The following PFKFB2 variants were observed in gnomAD, a reference collection of about 807,000 sequenced individuals.
The protein encoded by PFKFB2 is 6-phosphofructo-2-kinase/fructose-2,6-bisphosphatase 2.
A neutral mutation model predicts 68.0 loss-of-function variants in PFKFB2; 53 were observed. That is an observed-to-expected ratio of 0.78 (90% CI 0.63 to 0.98). The LOEUF (loss-of-function observed/expected upper bound fraction) is 0.98, where lower values mean the gene tolerates loss of function less well. Ranked by LOEUF, PFKFB2 falls within the 50% of genes least tolerant of loss-of-function variation. The pLI is 0.00. For missense variants in PFKFB2, 451 were observed against 642.0 expected, an observed-to-expected ratio of 0.70 and a Z score of 3.22; for synonymous variants, 222 against 227.6, an observed-to-expected ratio of 0.98 and a Z score of 0.22.
At chr1:207,049,131 A>T, upstream of PFKFB2, 1 of 1,614,084 alleles carries the variant, frequency 6.2e-7, no homozygotes. Context: ...AGCGGTTGAC[A>T]TCAGTAAACT....
In PFKFB2 at chr1:207,072,292, G is replaced by A; in HGVS notation, c.1439G>A (p.Arg480Lys). The change falls in exon 15 of 15, where the codon AGA (arginine) becomes AAA (lysine). Residue 480 changes from arginine to lysine, a missense_variant. By Grantham distance (26) the Arg-to-Lys change is conservative. Transcript: ENST00000367080. ...AGTTCGAATACAATAAGGCGTCCAA[G>A]AAATTACAGTGTTGGGAGCCGGCCC... ...LSSSNTIRRP[R>K]NYSVGSRPLK... is the part of the protein sequence containing the mutation. 6.2e-7 allele frequency: 1 copy of A among 1,614,208 alleles called. No homozygotes were observed. The highest frequency in any genetic ancestry group is 8.5e-7 in the Non-Finnish European group (1 of 1,180,042).
At chr1:207,065,381 C>CAAA in intron 8 of PFKFB2, 4 of 863,468 alleles carry the variant, frequency 4.6e-6, no homozygotes, top group Non-Finnish European at 5.6e-6. Flanking sequence ...GACAGGGTCT[C>CAAA]ACTCTGTCAC....
chr1:207,078,078 A>G (rs1267466585), downstream of PFKFB2, among the ~76,000 whole-genome samples: 1 of 152,216 alleles, frequency 6.6e-6, no homozygotes, highest in Non-Finnish European at 1.5e-5. Context: ...TTAAGAAACA[A>G]TTACATTTCA....
At chr1:207,057,649 G>A (rs1321270307) in intron 2 of PFKFB2, among the ~76,000 whole-genome samples, 6 of 151,634 alleles carry the variant, frequency 4.0e-5, no homozygotes, top group African/African-American at 1.2e-4. Context: ...GATTTAGAAA[G>A]CGAAAAGTAA....
chr1:207,070,451 A>G lies in PFKFB2; in HGVS notation c.1222+42A>G, dbSNP rs1256839414. 1.3e-6 allele frequency: 2 copies of G among 1,599,882 alleles called. No homozygotes were observed. Among genetic ancestry groups the G allele is most frequent in the Non-Finnish European group, 1.7e-6 (2 of 1,171,160 alleles). On this transcript the variant is annotated intron_variant, in intron 12 of 14. Coordinates refer to ENST00000367080, the MANE Select transcript of PFKFB2 (RefSeq NM_006212.2). The surrounding 1 kb of genome is among the most constrained non-coding windows in gnomAD (Gnocchi z 4.2). ...GGCTGGGAGACACATCCAGTGGGAGAGGGCTGGACTTGCAGTGGCACCAGG... is the reference window on the plus strand; with the variant it reads ...GGCTGGGAGACACATCCAGTGGGAGGGGGCTGGACTTGCAGTGGCACCAGG...
upstream of PFKFB2, chr1:207,052,299 A>G (rs1390659190): frequency 2.0e-5 from 28 of 1,382,004 alleles, no homozygotes; most frequent in Admixed American, 2.9e-4. Flanking sequence ...TGGTTCTTCA[A>G]GACGACTGCA....
Position 207,067,660 on chromosome 1 carries a change from T to A in PFKFB2, c.794T>A (p.Leu265Ter). ...CRHGESEFNL[L>*]GKIGGDSGLS... ...CATGGAGAAAGCGAGTTCAATCTCT[T>A]GGGGAAGATTGGGGGTGACTCTGGC... The change falls in exon 9 of 15, where the codon TTG becomes TAG. Residue 265 changes from leucine (L) to a stop codon, truncating the protein, a stop_gained. Coordinates refer to ENST00000367080, the MANE Select transcript of PFKFB2 (RefSeq NM_006212.2). LOFTEE classifies it high-confidence loss of function. The A allele has an allele frequency of 1.2e-6, 2 of 1,613,638 alleles. No individual in the cohort carries two copies. The highest frequency in any genetic ancestry group is 1.7e-6 in the Non-Finnish European group (2 of 1,179,906).
upstream of PFKFB2, among the ~76,000 whole-genome samples, chr1:207,051,667 A>T (rs1682755047): frequency 6.6e-6 from 1 of 152,218 alleles, no homozygotes; most frequent in African/African-American, 2.4e-5. Context: ...ATTCCAGTTC[A>T]GTTCCTGGGC....
chr1:207,050,506 G>A (rs1682712443), upstream of PFKFB2, among the ~76,000 whole-genome samples: 1 of 152,192 alleles, frequency 6.6e-6, no homozygotes, highest in African/African-American at 2.4e-5. Flanking sequence ...TCAAGACAAG[G>A]AGTTGCTAGA....
chr1:207,070,454 G>C lies in PFKFB2; in HGVS notation c.1222+45G>C. On this transcript the variant is annotated intron_variant, in intron 12 of 14. Transcript: ENST00000367080. The surrounding 1 kb of genome is among the most constrained non-coding windows in gnomAD (Gnocchi z 4.2). ...TGGGAGACACATCCAGTGGGAGAGG[G>C]CTGGACTTGCAGTGGCACCAGGATT... The C allele has an allele frequency of 2.5e-6, 4 of 1,597,594 alleles. No homozygotes were observed. Among genetic ancestry groups the C allele is most frequent in the Non-Finnish European group, 1.7e-6 (2 of 1,169,664 alleles).
At chr1:207,068,108 G>GTGTGTGTC (rs1683350898) in intron 9 of PFKFB2, 55 bp from the exon 10 acceptor site, 2 of 1,434,614 alleles carry the variant, frequency 1.4e-6, no homozygotes, top group African/African-American at 2.8e-5. Flanking sequence ...GTGTGTGTGT[G>GTGTGTGTC]TGTGTGTGTC....
chr1:207,049,157 C>T, upstream of PFKFB2: 1 of 1,614,074 alleles, frequency 6.2e-7, no homozygotes, highest in South Asian at 1.1e-5. Context: ...CTTCTTCTAG[C>T]TTCATCTGCT....
chr1:207,053,430 C>G (rs1225176305), intron 1 of PFKFB2, 64 bp downstream of exon 1: 2 of 152,780 alleles, frequency 1.3e-5, no homozygotes, highest in East Asian at 3.8e-4. Flanking sequence ...GCTGCGTGCC[C>G]CCGGATGAAG....
At chr1:207,043,289 C>T (rs549753410) in intron 2 of PFKFB2, among the ~76,000 whole-genome samples, 1 of 152,200 alleles carries the variant, frequency 6.6e-6, no homozygotes, top group South Asian at 2.1e-4. Flanking sequence ...TACACTGACC[C>T]CCAGAAATAT....
At chr1:207,046,813 T>A in intron 2 of PFKFB2, 1 of 152,104 alleles carries the variant, frequency 6.6e-6, no homozygotes, top group East Asian at 1.9e-4. Flanking sequence ...GACAGAAACT[T>A]ATGTTGGAAC....
At chr1:207,042,965 C>T (rs892456890) in intron 2 of PFKFB2, among the ~76,000 whole-genome samples, 35 of 151,570 alleles carry the variant, frequency 2.3e-4, no homozygotes, top group African/African-American at 7.8e-4. Flanking sequence ...AGATCTCTCG[C>T]AAGTTGATTA....
At chr1:207,079,256 G>C, downstream of PFKFB2, 1 of 573,398 alleles carries the variant, frequency 1.7e-6, no homozygotes, top group South Asian at 2.0e-5. Flanking sequence ...ACCTGAACCA[G>C]TGACTTTTTG....
In PFKFB2 at chr1:207,073,379, TG is replaced by T; in HGVS notation, c.*1012del. 1 of 985,430 alleles carries T rather than the reference TG, an allele frequency of 1.0e-6. No homozygotes were observed. The highest frequency in any genetic ancestry group is 1.2e-6 in the Non-Finnish European group (1 of 829,946). The allele number at this position is 985,430 out of a possible 1,614,324, so 61.0% of individuals were successfully genotyped here. A position where few individuals can be genotyped will look rare whatever the true frequency, so the allele number is the denominator to read the frequency against. ...TTTTCCTGCCAAAGCCAGTATCCTC[TG>T]GGGCTGTTTAGAAGGGCAGTTAGAT... On this transcript the variant is annotated 3_prime_UTR_variant, in exon 15 of 15. Transcript: ENST00000367080.
At chr1:207,064,197 A>G (rs979487752) in intron 7 of PFKFB2, among the ~76,000 whole-genome samples, 4 of 152,130 alleles carry the variant, frequency 2.6e-5, no homozygotes, top group African/African-American at 9.7e-5. Flanking sequence ...TTGTAGGCTC[A>G]GCACTTTGGG....
Sources: allele counts gnomAD v4.1 joint callset (sites outside exome capture counted in the v4.1 genomes callset), GRCh38; gene constraint gnomAD v4.1.1; non-coding constraint Gnocchi (gnomAD v3.1); transcripts MANE v1.5; gene names NCBI Gene and HGNC (gene_info 2026-07-23, HGNC 2026-07-21).